Variants in MYH8 observed in about 807,000 individuals in gnomAD.
The protein encoded by MYH8 is myosin heavy chain 8.
A neutral mutation model predicts 233.2 loss-of-function variants in MYH8; 168 were observed. That is an observed-to-expected ratio of 0.72 (90% CI 0.64 to 0.82). The LOEUF (loss-of-function observed/expected upper bound fraction) is 0.82. Ranked by LOEUF, MYH8 falls within the 40% of genes least tolerant of loss-of-function variation. The probability of loss-of-function intolerance (pLI) is 0.00; values close to 1 mark genes in which losing one functional copy is unlikely to be tolerated. For missense variants in MYH8, 1,995 were observed against 2,327.8 expected (o/e 0.86, Z 2.94); for synonymous variants, 785 against 850.6 (o/e 0.92, Z 1.34).
In MYH8 at chr17:10,396,519, G is replaced by A; in HGVS notation, c.4528+34C>T. ...GGCAACATGGAAAGGTCCTCCCAGG[G>A]ATATATGGAGTAGGGAGGACTGTGA... On this transcript the variant is annotated intron_variant, in intron 32 of 39. Transcript: ENST00000403437. This position sits in a 1 kb window ranked among gnomAD's most constrained non-coding sequence, Gnocchi z 4.2. 1.2e-6 allele frequency: 2 copies of A among 1,613,778 alleles called. No homozygotes were observed. Among genetic ancestry groups the A allele is most frequent in the Non-Finnish European group, 1.7e-6 (2 of 1,179,790 alleles).
At chr17:10,399,772 T>A in intron 27 of MYH8, 103 bp from the exon 28 acceptor site, 1 of 1,515,654 alleles carries the variant, frequency 6.6e-7, no homozygotes, top group Non-Finnish European at 9.0e-7. Context: ...ATGTCAAGTG[T>A]GAGTAGAAAG....
rs770256868 is a variant in MYH8 at position 10,396,318 on chromosome 17, G to A, written c.4653+12C>T. The A allele has an allele frequency of 6.2e-7, 1 of 1,613,318 alleles. No individual in the cohort carries two copies. Among genetic ancestry groups the A allele is most frequent in the Non-Finnish European group, 8.5e-7 (1 of 1,179,692 alleles). ...TTTGTTTTTCCATAACATAATACAAGGTAATATGTACCTCTGCTTCCTCTA... is the reference window on the plus strand; with the variant it reads ...TTTGTTTTTCCATAACATAATACAAAGTAATATGTACCTCTGCTTCCTCTA... On this transcript the variant is annotated intron_variant, in intron 33 of 39. Coordinates refer to ENST00000403437, the MANE Select transcript of MYH8 (RefSeq NM_002472.3). The surrounding 1 kb of genome is among the most constrained non-coding windows in gnomAD (Gnocchi z 4.2).
intron 17 of MYH8, among the ~76,000 whole-genome samples, chr17:10,408,839 A>C (rs1737540102): frequency 6.6e-6 from 1 of 152,230 alleles, no homozygotes; most frequent in African/African-American, 2.4e-5. Context: ...ACTTCTTTAG[A>C]AATCAGCCTC....
Position 10,400,809 on chromosome 17 carries a change from A to C in MYH8, c.3346-30T>G. 1 of 1,613,636 alleles carries C rather than the reference A, an allele frequency of 6.2e-7. No homozygotes were observed. Among genetic ancestry groups the C allele is most frequent in the Non-Finnish European group, 8.5e-7 (1 of 1,179,962 alleles). The stretch of plus-strand genomic sequence containing the variant: ...GAATGAAAGAAGCACATAAACATAA[A>C]CTCATCTCAACTTCAGTGTTTTTTT... On this transcript the variant is annotated intron_variant, in intron 26 of 39. Coordinates refer to ENST00000403437, the MANE Select transcript of MYH8 (RefSeq NM_002472.3). This position sits in a 1 kb window ranked among gnomAD's most constrained non-coding sequence, Gnocchi z 4.0.
Position 10,409,300 on chromosome 17 carries a change from TG to T in MYH8, c.1875del (p.Thr626ArgfsTer33). Reference protein sequence around the residue: ...SAMKTLASLFSTYASAEADSS... With the variant: ...SAMKTLASLFXTYASAEADSS... ...GTACCTGCTTCAGCACTAGCATACG[TG>T]GAAAAGAGACTGGCTAGAGTCTTCA... On this transcript the variant is annotated frameshift_variant, in exon 16 of 40. Coordinates refer to ENST00000403437, the MANE Select transcript of MYH8 (RefSeq NM_002472.3). LOFTEE classifies it high-confidence loss of function. The T allele has an allele frequency of 6.2e-7, 1 of 1,614,208 alleles. No homozygotes were observed. The highest frequency in any genetic ancestry group is 1.1e-5 in the South Asian group (1 of 91,086).
chr17:10,402,611 A>C (rs1263156069), intron 22 of MYH8, among the ~76,000 whole-genome samples: 1 of 151,424 alleles, frequency 6.6e-6, no homozygotes, highest in Non-Finnish European at 1.5e-5. Context: ...ACATAGACAC[A>C]TATATAGGCA....
chr17:10,401,606 G>A lies in MYH8; in HGVS notation c.2868C>T (p.Asp956=), dbSNP rs370394551. 2 of 1,613,994 alleles carry A rather than the reference G, an allele frequency of 1.2e-6. No individual in the cohort carries two copies. The highest frequency in any genetic ancestry group is 2.7e-5 in the African/African-American group (2 of 74,902). Residue 956 remains aspartate, a synonymous_variant, in exon 23 of 40, where the codon GAC becomes GAT. Transcript: ENST00000403437. ...LEDECSELKK[D]IDDLELTLAK... ...CCAGTGTCAGCTCAAGGTCATCAAT[G>A]TCTTTCTTGAGTTCTGAACATTCAT...
At position 10,396,766 on chromosome 17, in the gene MYH8, A is replaced by C; in HGVS notation, c.4362+37T>G. On this transcript the variant is annotated intron_variant, in intron 31 of 39. Transcript: ENST00000403437. This position sits in a 1 kb window ranked among gnomAD's most constrained non-coding sequence, Gnocchi z 4.2. Reference sequence around the variant, plus strand: ...TTGATCCAAGGAGAAAGGAAGACCGAGTAAAACACTCTTAAAGTTTAAGCA... The same window carrying C: ...TTGATCCAAGGAGAAAGGAAGACCGCGTAAAACACTCTTAAAGTTTAAGCA... The C allele has an allele frequency of 6.2e-7, 1 of 1,614,242 alleles. No individual in the cohort carries two copies. The highest frequency in any genetic ancestry group is 1.1e-5 in the South Asian group (1 of 91,086).
In MYH8 at chr17:10,414,215, G is replaced by T. The variant is rs780695842; in HGVS notation, c.985C>A (p.Gln329Lys). The change falls in exon 11 of 40, where the codon CAA (glutamine) becomes AAA (lysine). Residue 329 changes from glutamine to lysine, a missense_variant. Around this residue, in one of 3 missense-constraint regions of MYH8, gnomAD observed 479 missense variants for 600.9 expected, o/e 0.80. Coordinates refer to ENST00000403437, the MANE Select transcript of MYH8 (RefSeq NM_002472.3). ...ACATCAGTGGCCATCAACTCTTCTT[G>T]GTCATCAATACTGGGAACTGTGATC... ...GEITVPSIDDQEELMATDSAI... is the reference protein window; with the variant it reads ...GEITVPSIDDKEELMATDSAI... 6.2e-7 allele frequency: 1 copy of T among 1,614,068 alleles called. No homozygotes were observed. Among genetic ancestry groups the T allele is most frequent in the Admixed American group, 1.7e-5 (1 of 60,018 alleles).
At chr17:10,399,956 C>T (rs917965204) in intron 27 of MYH8, among the ~76,000 whole-genome samples, 4 of 152,214 alleles carry the variant, frequency 2.6e-5, no homozygotes, top group African/African-American at 9.6e-5. Flanking sequence ...GTAATCCCAG[C>T]ACTTTGGGAG....
Position 10,415,047 on chromosome 17 carries a change from T to C in MYH8, c.805+69A>G, listed in dbSNP as rs1597404902. 1.4e-6 allele frequency: 2 copies of C among 1,446,930 alleles called. No individual in the cohort carries two copies. Among genetic ancestry groups the C allele is most frequent in the Non-Finnish European group, 1.9e-6 (2 of 1,028,200 alleles). 89.6% of individuals were successfully genotyped at this position (1,446,930 alleles called of 1,614,324 possible). Reference sequence around the variant, plus strand: ...TAACAGGCTTCATGCACAGCAAGGGTGGCAAAATATCCCTGCAAATGAAAT... The same window carrying C: ...TAACAGGCTTCATGCACAGCAAGGGCGGCAAAATATCCCTGCAAATGAAAT... On this transcript the variant is annotated intron_variant, in intron 9 of 39. Transcript: ENST00000403437. This position sits in a 1 kb window ranked among gnomAD's most constrained non-coding sequence, Gnocchi z 4.1.
Position 10,410,776 on chromosome 17 carries a change from C to T in MYH8, c.1587+1G>A, listed in dbSNP as rs1272156479. ...TGCCCTTCTTTGGAAACCAAACCGA[C>T]CTTCTCAATGAGCTCAATGCAGGCA... On this transcript the variant is annotated splice_donor_variant, in intron 15 of 39. Coordinates refer to ENST00000403437, the MANE Select transcript of MYH8 (RefSeq NM_002472.3). LOFTEE classifies it high-confidence loss of function. 6.2e-7 allele frequency: 1 copy of T among 1,613,964 alleles called. No homozygotes were observed. Among genetic ancestry groups the T allele is most frequent in the Non-Finnish European group, 8.5e-7 (1 of 1,179,878 alleles).
Position 10,400,870 on chromosome 17 carries a change from T to A in MYH8, c.3344A>T (p.Gln1115Leu). ...AAAAATAGAGGTGAGATGACTCACC[T>A]GCAACTCTTTGATCTTCTTCTGTAG... ...IQLQKKIKEL[Q>L]ARIEELGEEI... The change falls in exon 26 of 40, where the codon CAG becomes CTG. Residue 1115 changes from glutamine to leucine, a missense_variant and splice_region_variant. Gln to Leu is a moderately radical substitution (Grantham distance 113, BLOSUM62 -2). Transcript: ENST00000403437. The surrounding 1 kb of genome is among the most constrained non-coding windows in gnomAD (Gnocchi z 4.0). 1 of 1,613,826 alleles carries A rather than the reference T, an allele frequency of 6.2e-7. No individual in the cohort carries two copies. The highest frequency in any genetic ancestry group is 8.5e-7 in the Non-Finnish European group (1 of 1,180,000).
At position 10,398,450 on chromosome 17, in the gene MYH8, T is replaced by C; in HGVS notation, c.4172A>G (p.Glu1391Gly). Residue 1391 changes from glutamate (E) to glycine (G), a missense_variant, in exon 30 of 40, where the codon GAG (glutamate) becomes GGG (glycine). Glu to Gly is a moderately conservative substitution (Grantham distance 98, BLOSUM62 -2). Around this residue, in one of 3 missense-constraint regions of MYH8, gnomAD observed 1,498 missense variants for 1,680.9 expected, o/e 0.89. Coordinates refer to ENST00000403437, the MANE Select transcript of MYH8 (RefSeq NM_002472.3). ...DAIQRTEELE[E>G]AKKKLAQRLQ... ...TAGAGTTCACAGCACATACTTGGCC[T>C]CCTCCAGCTCCTCTGTGCGCTGGAT... The C allele has an allele frequency of 6.2e-7, 1 of 1,613,984 alleles. No individual in the cohort carries two copies. The highest frequency in any genetic ancestry group is 8.5e-7 in the Non-Finnish European group (1 of 1,179,858).
chr17:10,392,692 A>G, intron 37 of MYH8, 46 bp from the exon 38 acceptor site: 1 of 1,613,294 alleles, frequency 6.2e-7, no homozygotes, highest in Non-Finnish European at 8.5e-7. Context: ...GGGGGATATT[A>G]ATTAGCCCAA....
intron 34 of MYH8, 39 bp from the exon 35 acceptor site, chr17:10,394,491 AG>A (rs1326133791): frequency 6.2e-7 from 1 of 1,607,438 alleles, no homozygotes; most frequent in Non-Finnish European, 8.5e-7. Context: ...AGTGTTCTGA[AG>A]AGGATTTGAA....
chr17:10,409,335 T>G lies in MYH8; in HGVS notation c.1841A>C (p.Lys614Thr), dbSNP rs745732819. 1 of 1,614,156 alleles carries G rather than the reference T, an allele frequency of 6.2e-7. No individual in the cohort carries two copies. The highest frequency in any genetic ancestry group is 1.7e-5 in the Admixed American group (1 of 60,016). Residue 614 changes from lysine to threonine, a missense_variant, in exon 16 of 40, where the codon AAG (lysine) becomes ACG (threonine). This residue lies in a region of MYH8 where 1,498 missense variants were observed against 1,680.9 expected (regional missense o/e 0.89). Coordinates refer to ENST00000403437, the MANE Select transcript of MYH8 (RefSeq NM_002472.3). ...ACTGGCTAGAGTCTTCATTGCAGACTTCTGGTACAGCCCAACCACAGTATC... is the reference window on the plus strand; with the variant it reads ...ACTGGCTAGAGTCTTCATTGCAGACGTCTGGTACAGCCCAACCACAGTATC... The part of the protein sequence containing the change: ...LNDTVVGLYQ[K>T]SAMKTLASLF...
chr17:10,398,726 G>A (rs747325100), intron 29 of MYH8, 42 bp downstream of exon 29: 4 of 1,613,330 alleles, frequency 2.5e-6, no homozygotes, highest in Admixed American at 1.7e-5. Flanking sequence ...AACTGGGCAG[G>A]TTTAGATTTG....
Position 10,401,553 on chromosome 17 carries a change from G to A in MYH8, c.2921C>T (p.Thr974Met), listed in dbSNP as rs763789155. 2.1e-5 allele frequency: 34 copies of A among 1,613,968 alleles called. No individual in the cohort carries two copies. The highest frequency in any genetic ancestry group is 1.6e-4 in the Middle Eastern group (1 of 6,082). Residue 974 changes from threonine to methionine, a missense_variant, in exon 23 of 40, where the codon ACG becomes ATG. Physicochemically the swap from Thr to Met is moderately conservative, Grantham distance 81 (BLOSUM62 -1). Transcript: ENST00000403437. ...AAATATGACTGATACCTTGTTCTCC[G>A]TGGCATGTTTCTCCTTCTCAACCTT... ...LAKVEKEKHATENKVKNLTEE... is the reference protein window; with the variant it reads ...LAKVEKEKHAMENKVKNLTEE...
Sources: gnomAD v4.1 joint callset for allele counts (sites outside exome capture counted in the v4.1 genomes callset) on GRCh38, gnomAD v4.1.1 for gene constraint, gnomAD v4.1.1 regional missense constraint, Gnocchi (gnomAD v3.1) non-coding constraint, MANE v1.5 for transcripts, NCBI Gene and HGNC (gene_info 2026-07-23, HGNC 2026-07-21) for gene names.